Variants in NBEA observed in about 807,000 individuals in gnomAD.
NBEA encodes the protein lysosomal-trafficking regulator 2.
Under a neutral mutation model 343.4 loss-of-function variants are expected in NBEA, and 44 were observed. The ratio of observed to expected loss-of-function variants is 0.13; its 90% confidence interval spans 0.10 to 0.16. The LOEUF (loss-of-function observed/expected upper bound fraction) is 0.16, where lower values mean the gene tolerates loss of function less well. Among genes scored for constraint, NBEA ranks in the 10% least tolerant of loss-of-function variants. The pLI is 1.00. For missense variants in NBEA, 2,555 were observed against 3,631.3 expected (o/e 0.70, Z 7.62); for synonymous variants, 1,175 against 1,238.7 (o/e 0.95, Z 1.08).
At chr13:35,067,563 C>A (rs1362121657) in intron 8 of NBEA, among the ~76,000 whole-genome samples, 1 of 152,068 alleles carries the variant, frequency 6.6e-6, no homozygotes, top group African/African-American at 2.4e-5. Context: ...ACATTTCTAT[C>A]ACCCCAGAAG....
At chr13:35,171,177 C>G in intron 25 of NBEA, 95 bp from the exon 26 acceptor site, 1 of 957,676 alleles carries the variant, frequency 1.0e-6, no homozygotes, top group Non-Finnish European at 1.6e-6. Flanking sequence ...GGTAAATATA[C>G]TAAATTTATG....
chr13:35,297,246 A>G (rs2036196591), intron 35 of NBEA, among the ~76,000 whole-genome samples: 1 of 152,002 alleles, frequency 6.6e-6, no homozygotes, highest in Admixed American at 6.6e-5. Context: ...TTATTTCACG[A>G]AGCCTTTCTG....
At chr13:35,514,136 A>G (rs2152988391) in intron 41 of NBEA, among the ~76,000 whole-genome samples, 1 of 152,166 alleles carries the variant, frequency 6.6e-6, no homozygotes, top group South Asian at 2.1e-4. Context: ...AGAAACTGAC[A>G]TCAATTTTAT....
intron 10 of NBEA, among the ~76,000 whole-genome samples, chr13:35,083,926 C>T (rs895756405): frequency 9.2e-5 from 14 of 152,008 alleles, no homozygotes; most frequent in African/African-American, 3.4e-4. Flanking sequence ...AGATTGTGAT[C>T]CTAGTCTCTG....
intron 41 of NBEA, among the ~76,000 whole-genome samples, chr13:35,538,146 G>A (rs2078647170): frequency 6.6e-6 from 1 of 152,136 alleles, no homozygotes; most frequent in African/African-American, 2.4e-5. Context: ...CTTGGGATCA[G>A]AAGTGTTTCA....
intron 18 of NBEA, among the ~76,000 whole-genome samples, chr13:35,145,057 T>C (rs1252847674): frequency 6.6e-6 from 1 of 152,214 alleles, no homozygotes; most frequent in Non-Finnish European, 1.5e-5. Context: ...GAACTTTCAG[T>C]TCAACTAATC....
At chr13:35,593,571 G>T in intron 47 of NBEA, 124 bp downstream of exon 47, 1 of 604,714 alleles carries the variant, frequency 1.7e-6, no homozygotes, top group Non-Finnish European at 2.7e-6. Context: ...AAAATTATAT[G>T]GTACATCTAA....
chr13:35,599,461 ATGTCT>A lies in NBEA; in HGVS notation c.7296+6018_7296+6022del, dbSNP rs558157172. On this transcript the variant is annotated intron_variant, in intron 47 of 58. Coordinates refer to ENST00000379939, the MANE Select transcript of NBEA (RefSeq NM_001385012.1). ...CAGAATCTACAGTGGCTTTGCTCAC[ATGTCT>A]TGTGCCTCATCTGAGATGGCTGGAA... 6.8e-3 allele frequency among the ~76,000 whole-genome samples: 1,032 copies of A among 152,352 alleles called. 4 individuals are homozygous for A. The highest frequency in any genetic ancestry group is 0.011 in the Non-Finnish European group (772 of 68,038).
chr13:35,386,963 A>G (rs2042271700), intron 38 of NBEA, among the ~76,000 whole-genome samples: 1 of 152,168 alleles, frequency 6.6e-6, no homozygotes, highest in Admixed American at 6.5e-5. Context: ...CTTTCCACTG[A>G]TAAATCAGCT....
intron 38 of NBEA, among the ~76,000 whole-genome samples, chr13:35,398,111 T>G (rs2042830153): frequency 6.6e-6 from 1 of 152,180 alleles, no homozygotes; most frequent in Non-Finnish European, 1.5e-5. Context: ...TCAATAATGT[T>G]CACAGCATCT....
chr13:35,070,820 G>C lies in NBEA; in HGVS notation c.1539G>C (p.Gln513His). The C allele has an allele frequency of 6.2e-7, 1 of 1,610,086 alleles. No homozygotes were observed. Among genetic ancestry groups the C allele is most frequent in the East Asian group, 2.2e-5 (1 of 44,714 alleles). Residue 513 changes from glutamine (Q) to histidine (H), a missense_variant, in exon 10 of 59, where the codon CAG becomes CAC. Coordinates refer to ENST00000379939, the MANE Select transcript of NBEA (RefSeq NM_001385012.1). The stretch of plus-strand genomic sequence containing the variant: ...TTTTTGCCCAATTGGATAATAGGCA[G>C]CTCAATGACAGTCAAGTGGAAACAA... ...FPLFAQLDNR[Q>H]LNDSQVETTV...
intron 17 of NBEA, among the ~76,000 whole-genome samples, chr13:35,134,150 C>G (rs1158136179): frequency 6.6e-6 from 1 of 151,712 alleles, no homozygotes; most frequent in Admixed American, 6.6e-5. Context: ...ATAGCGATGT[C>G]AAAAATATAA....
chr13:35,316,076 G>T (rs1039219721), intron 36 of NBEA, among the ~76,000 whole-genome samples: 1 of 145,612 alleles, frequency 6.9e-6, no homozygotes, highest in Non-Finnish European at 1.5e-5. Context: ...TCTGACCTAT[G>T]CCAGGTTTTC....
chr13:35,195,508 C>T (rs1185550794), intron 30 of NBEA, among the ~76,000 whole-genome samples: 12 of 151,998 alleles, frequency 7.9e-5, no homozygotes, highest in Non-Finnish European at 1.5e-4. Context: ...AAGCAATTCT[C>T]CTGCCTCAGC....
chr13:35,139,162 T>C (rs2067927627), intron 17 of NBEA, among the ~76,000 whole-genome samples: 1 of 143,898 alleles, frequency 6.9e-6, no homozygotes, highest in Non-Finnish European at 1.5e-5. Flanking sequence ...CCATGCTCAA[T>C]TGACTCTCCC....
intron 41 of NBEA, among the ~76,000 whole-genome samples, chr13:35,510,214 T>C (rs1283924790): frequency 6.6e-6 from 1 of 152,164 alleles, no homozygotes; most frequent in Non-Finnish European, 1.5e-5. Flanking sequence ...TGTGTTTCCA[T>C]GGCCTATATT....
At chr13:35,532,639 G>T (rs1006568729) in intron 41 of NBEA, among the ~76,000 whole-genome samples, 3 of 152,038 alleles carry the variant, frequency 2.0e-5, no homozygotes, top group Admixed American at 6.6e-5. Flanking sequence ...AGAAAAACAC[G>T]TATTTAGAAG....
intron 40 of NBEA, among the ~76,000 whole-genome samples, chr13:35,467,901 TA>T (rs2075457475): frequency 6.6e-6 from 1 of 152,228 alleles, no homozygotes; most frequent in African/African-American, 2.4e-5. Flanking sequence ...TTATGTACCC[TA>T]AATATAGTTT....
intron 34 of NBEA, among the ~76,000 whole-genome samples, chr13:35,266,420 G>A (rs909097053): frequency 6.6e-5 from 10 of 151,696 alleles, no homozygotes; most frequent in South Asian, 2.1e-4. Flanking sequence ...CACAGTAGCC[G>A]AGATGTGTAC....
Sources: gnomAD v4.1 joint callset for allele counts (sites outside exome capture counted in the v4.1 genomes callset) on GRCh38, gnomAD v4.1.1 for gene constraint, MANE v1.5 for transcripts, NCBI Gene and HGNC (gene_info 2026-07-23, HGNC 2026-07-21) for gene names.